The following ADARB1 variants were observed in gnomAD, a reference collection of about 807,000 sequenced individuals.
ADARB1 encodes the protein adenosine deaminase RNA specific B1, also known as double-stranded RNA-specific editase 1.
Under a neutral mutation model 52.4 loss-of-function variants are expected in ADARB1, and 10 were observed. The observed-to-expected ratio is 0.19, with a 90% CI of 0.12 to 0.32. The LOEUF (loss-of-function observed/expected upper bound fraction) is 0.32. Among genes scored for constraint, ADARB1 ranks in the 10% least tolerant of loss-of-function variants. The probability of loss-of-function intolerance (pLI) is 1.00; values close to 1 mark genes in which losing one functional copy is unlikely to be tolerated. For synonymous variants in ADARB1, 349 were observed against 371.1 expected (o/e 0.94, Z 0.68); for missense variants, 643 against 922.3 (o/e 0.70, Z 3.92).
intron 2 of ADARB1, among the ~76,000 whole-genome samples, chr21:45,131,952 T>A (rs1243859687): frequency 1.3e-5 from 2 of 152,298 alleles, no homozygotes; most frequent in East Asian, 3.9e-4. Flanking sequence ...AGATGGGCAG[T>A]CCGGGTGGAT....
chr21:45,100,527 G>GTAAA (rs1165077639), intron 1 of ADARB1: 1 of 152,224 alleles, frequency 6.6e-6, no homozygotes, highest in Non-Finnish European at 1.5e-5. Flanking sequence ...CAAACTAAAG[G>GTAAA]TAAATATTTT....
At chr21:45,135,776 A>G (rs1003110058) in intron 2 of ADARB1, among the ~76,000 whole-genome samples, 1 of 152,252 alleles carries the variant, frequency 6.6e-6, no homozygotes, top group African/African-American at 2.4e-5. Flanking sequence ...GAATGTCAGC[A>G]GAAAGGTGTG....
chr21:45,125,705 C>G (rs551752245), intron 1 of ADARB1, among the ~76,000 whole-genome samples: 1 of 152,254 alleles, frequency 6.6e-6, no homozygotes, highest in Non-Finnish European at 1.5e-5. Context: ...TTAATTTGGG[C>G]TTTTTCTCTT....
intron 9 of ADARB1, among the ~76,000 whole-genome samples, chr21:45,211,935 G>A (rs1355680925): frequency 3.3e-5 from 5 of 152,306 alleles, no homozygotes; most frequent in Middle Eastern, 3.4e-3. Context: ...CAGAAAAAGC[G>A]TATGGTTAGT....
intron 1 of ADARB1, chr21:45,116,918 T>A (rs1248486539): frequency 6.6e-6 from 1 of 152,132 alleles, no homozygotes; most frequent in East Asian, 1.9e-4. Context: ...ATATGTTTTT[T>A]TTTTCTTTTC....
Position 45,120,597 on chromosome 21 carries a change from C to T in ADARB1, c.-219-7805C>T, listed in dbSNP as rs577951278. On this transcript the variant is annotated intron_variant, in intron 1 of 10. Transcript: ENST00000348831. Reference sequence around the variant, plus strand: ...CTGTTCATGATGGCCTTATCACGGACACACTAGGACCCTCTGAGGACACCA... The same window carrying T: ...CTGTTCATGATGGCCTTATCACGGATACACTAGGACCCTCTGAGGACACCA... Among the ~76,000 whole-genome samples the T allele has an allele frequency of 8.5e-5, 13 of 152,298 alleles. No individual in the cohort carries two copies. The South Asian group carries it at 2.5e-3, about 29-fold the overall frequency.
At chr21:45,075,937 T>C (rs952940891) in intron 1 of ADARB1, among the ~76,000 whole-genome samples, 3 of 152,240 alleles carry the variant, frequency 2.0e-5, no homozygotes, top group African/African-American at 7.2e-5. Flanking sequence ...ATTAAGATGA[T>C]AGAACCGTAG....
chr21:45,180,411 A>C lies in ADARB1; in HGVS notation c.1045A>C (p.Arg349=). The change falls in exon 5 of 11, where the codon AGA becomes CGA. Residue 349 remains arginine (R), a synonymous_variant. Transcript: ENST00000348831. ...CAACTTCTCCTCCCCTCACGCTCGC[A>C]GAAAAGTGCTGGCTGGAGTCGTCAT... The part of the protein sequence containing the change: ...TDNFSSPHAR[R]KVLAGVVMTT... 6.2e-7 allele frequency: 1 copy of C among 1,614,208 alleles called. No individual in the cohort carries two copies. The highest frequency in any genetic ancestry group is 8.5e-7 in the Non-Finnish European group (1 of 1,180,044).
chr21:45,123,283 G>T (rs1356780994), intron 1 of ADARB1, among the ~76,000 whole-genome samples: 1 of 150,834 alleles, frequency 6.6e-6, no homozygotes, highest in African/African-American at 2.4e-5. Context: ...ACGTGTGTGT[G>T]TGTGTGTGTG....
At chr21:45,084,955 A>G (rs1261621201) in intron 1 of ADARB1, among the ~76,000 whole-genome samples, 3 of 152,188 alleles carry the variant, frequency 2.0e-5, no homozygotes, top group African/African-American at 7.2e-5. Flanking sequence ...CTGGAGTCAG[A>G]CACAATACTG....
In ADARB1 at chr21:45,200,629, G is replaced by A. The variant is rs1328230555; in HGVS notation, c.1566-3926G>A. Among the ~76,000 whole-genome samples the A allele has an allele frequency of 1.3e-5, 2 of 152,078 alleles. No homozygotes were observed. ...TGGGTATGTTCTGATGGAGGTAGGG[G>A]AAGCCAAGATGGGCTCTGCAGAAGG... On this transcript the variant is annotated intron_variant, in intron 8 of 10. Coordinates refer to ENST00000348831, the MANE Select transcript of ADARB1 (RefSeq NM_001112.4). This position sits in a 1 kb window ranked among gnomAD's most constrained non-coding sequence, Gnocchi z 5.0.
intron 2 of ADARB1, among the ~76,000 whole-genome samples, chr21:45,164,450 C>T (rs1213934868): frequency 2.0e-5 from 3 of 150,414 alleles, no homozygotes; most frequent in South Asian, 4.2e-4. Flanking sequence ...CTGCCCCAGC[C>T]ATGTGGGCCT....
chr21:45,122,364 A>C (rs1023705683), intron 1 of ADARB1, among the ~76,000 whole-genome samples: 3 of 152,236 alleles, frequency 2.0e-5, no homozygotes, highest in Non-Finnish European at 4.4e-5. Flanking sequence ...TACAACTTGC[A>C]GTGTACTTGC....
rs537519850 is a variant in ADARB1 at position 45,225,201 on chromosome 21, C to T, written c.*3004C>T. On this transcript the variant is annotated 3_prime_UTR_variant, in exon 11 of 11. Transcript: ENST00000348831. ...TGCTAGTGGGAGGTCTCAGGTGGGG[C>T]GGTGTGTTCTGTGCCATGAGGCAGC... 12 of 1,057,520 alleles carry T rather than the reference C, an allele frequency of 1.1e-5. No individual in the cohort carries two copies. The highest frequency in any genetic ancestry group is 6.8e-5 in the East Asian group (1 of 14,798). 65.5% of individuals were successfully genotyped at this position (1,057,520 alleles called of 1,614,324 possible). A position where few individuals can be genotyped will look rare whatever the true frequency, so the allele number is the denominator to read the frequency against.
intron 1 of ADARB1, among the ~76,000 whole-genome samples, chr21:45,124,431 A>T (rs151174071): frequency 0.02 from 3,064 of 151,754 alleles, 158 homozygotes; most frequent in Admixed American, 0.12. Context: ...CTAGAGTGTG[A>T]TGGTGCAATT....
At chr21:45,203,190 G>A (rs190929709) in intron 8 of ADARB1, among the ~76,000 whole-genome samples, 1 of 151,948 alleles carries the variant, frequency 6.6e-6, no homozygotes, top group Non-Finnish European at 1.5e-5. Flanking sequence ...GCTGCTTAGG[G>A]GCCCCTGCCC....
Position 45,173,177 on chromosome 21 carries a change from T to C in ADARB1, c.28+1493T>C, listed in dbSNP as rs373157863. Among the ~76,000 whole-genome samples, 6 of 152,286 alleles carry C rather than the reference T, an allele frequency of 3.9e-5. 1 individual carries two copies. Among genetic ancestry groups the C allele is most frequent in the African/African-American group, 1.2e-4 (5 of 41,550 alleles). ...GATCACTTGACATGATAAAGAATCC[T>C]CCCACATTTTTCTGTGAAGAGAAGC... On this transcript the variant is annotated intron_variant, in intron 3 of 10. Transcript: ENST00000348831.
chr21:45,205,886 G>T (rs1468242328), intron 9 of ADARB1, among the ~76,000 whole-genome samples: 1 of 152,140 alleles, frequency 6.6e-6, no homozygotes, highest in Non-Finnish European at 1.5e-5. Context: ...GTTTTCTAGT[G>T]CCTGGCAACT....
intron 2 of ADARB1, among the ~76,000 whole-genome samples, chr21:45,143,277 T>G (rs995219203): frequency 6.6e-6 from 1 of 152,134 alleles, no homozygotes; most frequent in Non-Finnish European, 1.5e-5. Flanking sequence ...AGACCCCAAG[T>G]CCAGCAGCAT....
Sources: allele counts gnomAD v4.1 joint callset (sites outside exome capture counted in the v4.1 genomes callset), GRCh38; gene constraint gnomAD v4.1.1; non-coding constraint Gnocchi (gnomAD v3.1); transcripts MANE v1.5; gene names NCBI Gene and HGNC (gene_info 2026-07-23, HGNC 2026-07-21).